Variants in KCNH1 observed in about 807,000 individuals in gnomAD.
KCNH1 encodes the protein potassium voltage-gated channel subfamily H member 1, also known as voltage-gated delayed rectifier potassium channel KCNH1.
A neutral mutation model predicts 69.2 loss-of-function variants in KCNH1; 27 were observed. The ratio of observed to expected loss-of-function variants is 0.39; its 90% confidence interval spans 0.29 to 0.54. KCNH1 has a LOEUF of 0.54. Ranked by LOEUF, KCNH1 falls within the 20% of genes least tolerant of loss-of-function variation. The probability of loss-of-function intolerance (pLI) is 0.68; values close to 1 mark genes in which losing one functional copy is unlikely to be tolerated. For missense variants in KCNH1, 798 were observed against 1,261.6 expected (o/e 0.63, Z 5.57); for synonymous variants, 456 against 487.7 (o/e 0.93, Z 0.86).
chr1:210,723,951 A>G (rs1682532339), intron 10 of KCNH1, among the ~76,000 whole-genome samples: 1 of 152,168 alleles, frequency 6.6e-6, no homozygotes, highest in Non-Finnish European at 1.5e-5. Flanking sequence ...TGAGGTATCT[A>G]TAGCTTCTCA....
intron 7 of KCNH1, chr1:210,862,059 C>A (rs1438942128): frequency 8.7e-6 from 7 of 808,562 alleles, no homozygotes; most frequent in South Asian, 2.7e-5. Flanking sequence ...GGGATATATA[C>A]TTTTGTGCTG....
At chr1:210,754,841 C>T (rs200416879) in intron 10 of KCNH1, among the ~76,000 whole-genome samples, 3 of 151,030 alleles carry the variant, frequency 2.0e-5, no homozygotes, top group African/African-American at 4.9e-5. Flanking sequence ...CAAGTACACA[C>T]GGGCACACAC....
At chr1:210,901,452 G>A (rs1686993927) in intron 7 of KCNH1, among the ~76,000 whole-genome samples, 1 of 152,300 alleles carries the variant, frequency 6.6e-6, no homozygotes, top group South Asian at 2.1e-4. Flanking sequence ...GTTGGATGGG[G>A]ATGTGTGGGA....
intron 7 of KCNH1, among the ~76,000 whole-genome samples, chr1:210,896,314 C>T (rs373386313): frequency 6.6e-6 from 1 of 152,004 alleles, no homozygotes; most frequent in Non-Finnish European, 1.5e-5. Context: ...AAAAATGTTA[C>T]TGACAAACCC....
At chr1:210,973,823 TAC>T (rs1688554594) in intron 6 of KCNH1, among the ~76,000 whole-genome samples, 1 of 152,204 alleles carries the variant, frequency 6.6e-6, no homozygotes, top group East Asian at 1.9e-4. Context: ...ATAGATTGTT[TAC>T]AGTGTTACAT....
intron 4 of KCNH1, among the ~76,000 whole-genome samples, chr1:211,087,227 G>T (rs776541366): frequency 2.6e-5 from 4 of 152,110 alleles, no homozygotes; most frequent in Non-Finnish European, 5.9e-5. Context: ...CTGAAGTTTT[G>T]CATTCCTTTT....
At chr1:211,011,807 A>C (rs1558567211) in intron 6 of KCNH1, among the ~76,000 whole-genome samples, 1 of 152,240 alleles carries the variant, frequency 6.6e-6, no homozygotes, top group Non-Finnish European at 1.5e-5. Flanking sequence ...CTTCCATGTG[A>C]AGCCTCTGCT....
At chr1:210,880,308 C>T (rs1393622124) in intron 7 of KCNH1, among the ~76,000 whole-genome samples, 2 of 152,202 alleles carry the variant, frequency 1.3e-5, no homozygotes, top group South Asian at 2.1e-4. Flanking sequence ...AAGAACAAAA[C>T]TAGAGGAGTG....
At chr1:210,993,932 G>A (rs1688977501) in intron 6 of KCNH1, among the ~76,000 whole-genome samples, 1 of 151,698 alleles carries the variant, frequency 6.6e-6, no homozygotes, top group Non-Finnish European at 1.5e-5. Flanking sequence ...AAAAAAATGT[G>A]TGCTTATAGG....
At chr1:210,992,466 A>G (rs1688954482) in intron 6 of KCNH1, among the ~76,000 whole-genome samples, 1 of 152,218 alleles carries the variant, frequency 6.6e-6, no homozygotes, top group Non-Finnish European at 1.5e-5. Flanking sequence ...CTATTTAATC[A>G]ATCACTGCTG....
chr1:210,722,098 A>C (rs1018433555), intron 10 of KCNH1, among the ~76,000 whole-genome samples: 2 of 152,214 alleles, frequency 1.3e-5, no homozygotes, highest in African/African-American at 4.8e-5. Context: ...CTGGATCCTC[A>C]CAAGGGATCA....
intron 6 of KCNH1, among the ~76,000 whole-genome samples, chr1:210,981,933 T>G (rs1688717866): frequency 6.6e-6 from 1 of 152,106 alleles, no homozygotes; most frequent in Non-Finnish European, 1.5e-5. Context: ...TGTGTTAAGT[T>G]TGATGCATAG....
chr1:210,798,261 G>A (rs1777246), intron 8 of KCNH1, among the ~76,000 whole-genome samples: 26,811 of 151,840 alleles, frequency 0.18, 2,436 homozygotes, highest in Non-Finnish European at 0.2. Flanking sequence ...GGATGGTCTC[G>A]ATCTCCTGAC....
chr1:211,031,226 G>A (rs1689778192), intron 5 of KCNH1, among the ~76,000 whole-genome samples: 1 of 152,154 alleles, frequency 6.6e-6, no homozygotes, highest in South Asian at 2.1e-4. Flanking sequence ...ACCAGTAACA[G>A]ACTCTGAAAT....
At chr1:210,856,813 T>C (rs907046563) in intron 7 of KCNH1, among the ~76,000 whole-genome samples, 2 of 127,778 alleles carry the variant, frequency 1.6e-5, no homozygotes, top group African/African-American at 2.8e-5. Flanking sequence ...ATATATATAT[T>C]ATATATATTT....
chr1:210,780,891 C>A (rs181585256), intron 9 of KCNH1, among the ~76,000 whole-genome samples: 93 of 152,046 alleles, frequency 6.1e-4, no homozygotes, highest in African/African-American at 2.0e-3. Flanking sequence ...ACTAAAAATA[C>A]AAAAAATTAG....
chr1:210,968,200 T>C (rs1436423711), intron 6 of KCNH1, among the ~76,000 whole-genome samples: 5 of 141,568 alleles, frequency 3.5e-5, no homozygotes, highest in African/African-American at 1.4e-4. Context: ...CATGAACTCA[T>C]CATTTTTTAT....
In KCNH1 at chr1:210,929,629, T is replaced by G. The variant is rs558142835; in HGVS notation, c.1033-9560A>C. ...CATGAGAACTGGAACAAGACAAGGTTGCCCACTTTCGCCACTTCTATTCAA... is the reference window on the plus strand; with the variant it reads ...CATGAGAACTGGAACAAGACAAGGTGGCCCACTTTCGCCACTTCTATTCAA... On this transcript the variant is annotated intron_variant, in intron 6 of 10. Transcript: ENST00000271751. Among the ~76,000 whole-genome samples, 14 of 152,268 alleles carry G rather than the reference T, an allele frequency of 9.2e-5. No individual in the cohort carries two copies. In the South Asian group the frequency reaches 2.9e-3, roughly 32 times the overall value.
chr1:210,799,759 C>T (rs767758226), intron 8 of KCNH1, among the ~76,000 whole-genome samples: 20 of 152,234 alleles, frequency 1.3e-4, no homozygotes, highest in Admixed American at 9.2e-4. Flanking sequence ...TGCCTTAGCA[C>T]AAGCCATTTG....
Sources: allele counts gnomAD v4.1 joint callset (sites outside exome capture counted in the v4.1 genomes callset), GRCh38; gene constraint gnomAD v4.1.1; transcripts MANE v1.5; gene names NCBI Gene and HGNC (gene_info 2026-07-23, HGNC 2026-07-21).